Variants in DNAH6 observed in about 807,000 individuals in gnomAD.
DNAH6 encodes dynein axonemal heavy chain 6.
DNAH6 carries 340 observed loss-of-function variants against 491.4 expected under a neutral mutation model. The observed-to-expected ratio is 0.69, with a 90% CI of 0.63 to 0.76. The LOEUF is 0.76. Ranked by LOEUF, DNAH6 falls within the 30% of genes least tolerant of loss-of-function variation. The pLI is 0.00. For missense variants in DNAH6, 4,443 were observed against 4,972.2 expected, an observed-to-expected ratio of 0.89 and a Z score of 3.20; for synonymous variants, 1,603 against 1,686.1, an observed-to-expected ratio of 0.95 and a Z score of 1.21.
intron 11 of DNAH6, among the ~76,000 whole-genome samples, chr2:84,558,416 T>C: frequency 7.1e-6 from 1 of 140,976 alleles, no homozygotes. Flanking sequence ...AGAGCGAGAC[T>C]CCATCTAAAA....
At chr2:84,787,469 G>A (rs1478838988) in intron 68 of DNAH6, among the ~76,000 whole-genome samples, 167 bp downstream of exon 68, 1 of 152,052 alleles carries the variant, frequency 6.6e-6, no homozygotes, top group Non-Finnish European at 1.5e-5. Context: ...AAATATATAA[G>A]GACATCATGA....
chr2:84,607,991 G>A (rs983544792), intron 21 of DNAH6, among the ~76,000 whole-genome samples: 3 of 152,132 alleles, frequency 2.0e-5, no homozygotes, highest in African/African-American at 7.2e-5. Context: ...TATCAACTAT[G>A]TTTATGTAAT....
rs1677022432 is a variant in DNAH6, at chr2:84,784,805, G to C, written c.10948G>C (p.Val3650Leu). The C allele has an allele frequency of 6.5e-7, 1 of 1,545,440 alleles. No homozygotes were observed. Among genetic ancestry groups the C allele is most frequent in the South Asian group, 1.2e-5 (1 of 83,888 alleles). Residue 3650 changes from valine to leucine, a missense_variant, in exon 66 of 77, where the codon GTC (valine) becomes CTC (leucine). Transcript: ENST00000389394. ...TCCTGTTACAGTTCTTCAAAATTCTGTCAAGGTAATGTATGCATATGGTTG... is the reference window on the plus strand; with the variant it reads ...TCCTGTTACAGTTCTTCAAAATTCTCTCAAGGTAATGTATGCATATGGTTG... ...TFPVTVLQNS[V>L]KVTNEPPKGL...
At chr2:84,743,613 G>T (rs1672708475) in intron 62 of DNAH6, among the ~76,000 whole-genome samples, 1 of 152,156 alleles carries the variant, frequency 6.6e-6, no homozygotes, top group South Asian at 2.1e-4. Flanking sequence ...CCTGAGCTCA[G>T]GAGTTGGAGA....
intron 41 of DNAH6, 83 bp downstream of exon 41, chr2:84,677,219 G>C: frequency 6.6e-7 from 1 of 1,516,402 alleles, no homozygotes; most frequent in Non-Finnish European, 8.9e-7. Flanking sequence ...GTGGTGTCTT[G>C]TGTTTCTAAG....
At chr2:84,508,644 T>A in the DNAH6 span, among the ~76,000 whole-genome samples, 139 of 152,326 alleles carry the variant, frequency 9.1e-4, 1 homozygote, top group Non-Finnish European at 1.6e-3. Flanking sequence ...CTCTAGTTCT[T>A]TTAATTGTGA....
At chr2:84,712,083 T>A (rs997436267) in intron 56 of DNAH6, among the ~76,000 whole-genome samples, 7 of 152,248 alleles carry the variant, frequency 4.6e-5, no homozygotes, top group Non-Finnish European at 7.3e-5. Flanking sequence ...CCCAACTCTC[T>A]GTGTCTTGGG....
intron 9 of DNAH6, among the ~76,000 whole-genome samples, 189 bp downstream of exon 9, chr2:84,550,246 G>A (rs935749986): frequency 6.6e-6 from 1 of 152,156 alleles, no homozygotes; most frequent in African/African-American, 2.4e-5. Context: ...AGACTGTGGG[G>A]GATGATTTCG....
rs372085815 is a variant in DNAH6 at position 84,694,380 on chromosome 2, G to A, written c.7424G>A (p.Arg2475Gln). ...AAATGTTTGCAGATTGAACTCAGCCGGGGATATAATTATGATAGTTTTCAT... is the reference window on the plus strand; with the variant it reads ...AAATGTTTGCAGATTGAACTCAGCCAGGGATATAATTATGATAGTTTTCAT... The part of the protein sequence containing the change: ...GYKCLQIELS[R>Q]GYNYDSFHED... The change falls in exon 46 of 77, where the codon CGG becomes CAG. Residue 2475 changes from arginine to glutamine, a missense_variant. Arg to Gln is a conservative substitution (Grantham distance 43, BLOSUM62 1). Transcript: ENST00000389394. 1.0e-4 allele frequency: 161 copies of A among 1,552,226 alleles called. No individual in the cohort carries two copies. Among genetic ancestry groups the A allele is most frequent in the Non-Finnish European group, 1.3e-4 (151 of 1,147,140 alleles).
chr2:84,574,256 C>G (rs1031378975), intron 12 of DNAH6, among the ~76,000 whole-genome samples: 4 of 151,928 alleles, frequency 2.6e-5, no homozygotes, highest in African/African-American at 7.2e-5. Flanking sequence ...ATACTTTGCT[C>G]TATGAACCAG....
rs963741779 is a variant in DNAH6 at position 84,718,214 on chromosome 2, C to G, written c.9622C>G (p.Arg3208Gly). The change falls in exon 59 of 77, where the codon CGA becomes GGA. Residue 3208 changes from arginine to glycine, a missense_variant. Arg to Gly is a moderately radical substitution (Grantham distance 125). Transcript: ENST00000389394. ...GAACTTTGGTTTTAGTGATGTGGTGCGACTTGAAAAACCCAGGTTGGAAGA... is the reference window on the plus strand; with the variant it reads ...GAACTTTGGTTTTAGTGATGTGGTGGGACTTGAAAAACCCAGGTTGGAAGA... ...LEDQLLSDVV[R>G]LEKPRLEEQR... The G allele has an allele frequency of 1.3e-6, 2 of 1,528,424 alleles. No homozygotes were observed. Among genetic ancestry groups the G allele is most frequent in the South Asian group, 1.3e-5 (1 of 79,252 alleles). 94.7% of individuals were successfully genotyped at this position (1,528,424 alleles called of 1,614,324 possible).
chr2:84,740,812 C>T (rs923901065), intron 62 of DNAH6, among the ~76,000 whole-genome samples: 6 of 152,224 alleles, frequency 3.9e-5, no homozygotes, highest in African/African-American at 1.4e-4. Context: ...AGCAACTCTC[C>T]TCCCACTCCA....
At chr2:84,650,057 C>A (rs898767001) in intron 33 of DNAH6, among the ~76,000 whole-genome samples, 3 of 151,230 alleles carry the variant, frequency 2.0e-5, no homozygotes, top group African/African-American at 7.3e-5. Context: ...TTTCTTCTGG[C>A]TGCTGCTAAA....
intron 63 of DNAH6, among the ~76,000 whole-genome samples, chr2:84,760,508 A>C (rs1674469385): frequency 6.6e-6 from 1 of 152,220 alleles, no homozygotes; most frequent in African/African-American, 2.4e-5. Context: ...GGACATAAAT[A>C]GACATTTTTC....
intron 15 of DNAH6, among the ~76,000 whole-genome samples, chr2:84,588,484 A>G (rs144441263): frequency 2.5e-3 from 380 of 152,308 alleles, no homozygotes; most frequent in African/African-American, 8.6e-3. Flanking sequence ...AATTTACCGT[A>G]TATCATATCC....
intron 39 of DNAH6, among the ~76,000 whole-genome samples, chr2:84,671,149 T>G (rs1398439024): frequency 6.6e-6 from 1 of 152,082 alleles, no homozygotes; most frequent in Non-Finnish European, 1.5e-5. Context: ...AAGGACAAGT[T>G]TCTTCTCCCT....
At chr2:84,773,607 G>A (rs1269317896) in intron 64 of DNAH6, among the ~76,000 whole-genome samples, 1 of 151,978 alleles carries the variant, frequency 6.6e-6, no homozygotes, top group East Asian at 1.9e-4. Context: ...TGGATTGAAC[G>A]GTAATTCCAT....
At chr2:84,483,547 C>T in the DNAH6 span, among the ~76,000 whole-genome samples, 3 of 151,980 alleles carry the variant, frequency 2.0e-5, no homozygotes, top group Admixed American at 2.0e-4. Flanking sequence ...GGGTTATGTG[C>T]TCTCTCTCTT....
At chr2:84,548,033 GGAAA>G in intron 7 of DNAH6, among the ~76,000 whole-genome samples, 1 of 152,166 alleles carries the variant, frequency 6.6e-6, no homozygotes, top group Non-Finnish European at 1.5e-5. Flanking sequence ...GATGTTCCTA[GGAAA>G]GAGGTAGCAT....
Sources: gnomAD v4.1 joint callset for allele counts (sites outside exome capture counted in the v4.1 genomes callset) on GRCh38, gnomAD v4.1.1 for gene constraint, MANE v1.5 for transcripts, NCBI Gene and HGNC (gene_info 2026-07-23, HGNC 2026-07-21) for gene names.